SUFU: variants seen among roughly 807,000 people sequenced by gnomAD.
SUFU encodes SUFU negative regulator of hedgehog signaling, also known as suppressor of fused homolog.
A neutral mutation model predicts 58.9 loss-of-function variants in SUFU; 7 were observed. The ratio of observed to expected loss-of-function variants is 0.12; its 90% confidence interval spans 0.07 to 0.22. The LOEUF (loss-of-function observed/expected upper bound fraction) is 0.22, where lower values mean the gene tolerates loss of function less well. SUFU is among the 10% of genes least tolerant of loss of function. The pLI, the probability that SUFU is intolerant of heterozygous loss-of-function variation, is 1.00. For synonymous variants in SUFU, 232 were observed against 254.8 expected (o/e 0.91, Z 0.85); for missense variants, 451 against 641.3 (o/e 0.70, Z 3.20).
chr10:102,600,489 G>A (rs1392124773), intron 8 of SUFU, among the ~76,000 whole-genome samples: 1 of 152,160 alleles, frequency 6.6e-6, no homozygotes, highest in Non-Finnish European at 1.5e-5. Context: ...TGTGCATCTG[G>A]CTGTCGATGT....
intron 8 of SUFU, among the ~76,000 whole-genome samples, chr10:102,610,293 T>C (rs1454125316): frequency 1.3e-5 from 2 of 148,496 alleles, no homozygotes; most frequent in Admixed American, 1.4e-4. Context: ...CTCGGTAGGC[T>C]GAGGCAGGAG....
intron 3 of SUFU, among the ~76,000 whole-genome samples, chr10:102,577,686 T>G (rs1464534848): frequency 1.5e-4 from 22 of 150,188 alleles, no homozygotes; most frequent in Admixed American, 1.1e-3. Flanking sequence ...CGAGTTGTTT[T>G]TTTTTTTTTT....
intron 1 of SUFU, among the ~76,000 whole-genome samples, chr10:102,508,270 G>A (rs1342831712): frequency 1.3e-5 from 2 of 152,002 alleles, no homozygotes; most frequent in East Asian, 1.9e-4. Context: ...CACCGTGCCC[G>A]GCCAAAACAG....
rs901522651 is a variant in SUFU at position 102,597,611 on chromosome 10, G to A, written c.910+318G>A. Reference sequence around the variant, plus strand: ...AGAACAGTTACAGGAAAAGTCCATAGTCCACCCAAGTGCAAGAGAAAAGTG... The same window carrying A: ...AGAACAGTTACAGGAAAAGTCCATAATCCACCCAAGTGCAAGAGAAAAGTG... On this transcript the variant is annotated intron_variant, in intron 7 of 11. Coordinates refer to ENST00000369902, the MANE Select transcript of SUFU (RefSeq NM_016169.4). Among the ~76,000 whole-genome samples, 3 of 152,240 alleles carry A rather than the reference G, an allele frequency of 2.0e-5. 1 individual carries two copies. The highest frequency in any genetic ancestry group is 4.4e-5 in the Non-Finnish European group (3 of 68,042).
chr10:102,568,921 CACATATAT>C (rs1474375195), intron 3 of SUFU, among the ~76,000 whole-genome samples: 1 of 9,538 alleles, frequency 1.0e-4, no homozygotes, highest in African/African-American at 3.7e-4. Context: ...TATATATATA[CACATATAT>C]ATATATATAT....
At chr10:102,621,025 G>A (rs375547348) in intron 10 of SUFU, among the ~76,000 whole-genome samples, 3 of 152,222 alleles carry the variant, frequency 2.0e-5, no homozygotes, top group East Asian at 1.9e-4. Context: ...AGCCCCAGGC[G>A]TGGGAGAAGA....
chr10:102,568,093 A>G (rs115472902), intron 3 of SUFU, among the ~76,000 whole-genome samples: 3,075 of 133,732 alleles, frequency 0.023, 95 homozygotes, highest in African/African-American at 0.078. Context: ...CCAAACAAAT[A>G]TAACATTATT....
At chr10:102,626,693 G>A (rs1403168378) in intron 10 of SUFU, among the ~76,000 whole-genome samples, 1 of 152,144 alleles carries the variant, frequency 6.6e-6, no homozygotes, top group Admixed American at 6.5e-5. Flanking sequence ...ACCTTCCAGG[G>A]CACTTCCAGA....
chr10:102,556,757 G>GAGGGAGGAAGGA (rs59831410), intron 3 of SUFU, among the ~76,000 whole-genome samples: 59,437 of 137,892 alleles, frequency 0.43, 13,489 homozygotes, highest in East Asian at 0.65. Flanking sequence ...AAAAGGAAGG[G>GAGGGAGGAAGGA]AGGGAGGAAG....
chr10:102,568,916 A>G, intron 3 of SUFU, among the ~76,000 whole-genome samples: 2 of 10,152 alleles, frequency 2.0e-4, no homozygotes, highest in African/African-American at 9.0e-4. Context: ...ATATATATAT[A>G]TATACACATA....
intron 3 of SUFU, among the ~76,000 whole-genome samples, chr10:102,583,468 C>A (rs773967213): frequency 3.3e-5 from 5 of 152,216 alleles, no homozygotes; most frequent in Non-Finnish European, 7.3e-5. Flanking sequence ...CTTTTCTTGC[C>A]TTAGAGTCTC....
intron 4 of SUFU, among the ~76,000 whole-genome samples, chr10:102,593,034 A>C (rs1367859843): frequency 6.6e-6 from 1 of 152,206 alleles, no homozygotes; most frequent in Admixed American, 6.5e-5. Flanking sequence ...TCCAGCGGGA[A>C]GCCAGCTCTG....
chr10:102,622,116 C>T (rs951862957), intron 10 of SUFU, among the ~76,000 whole-genome samples: 1 of 152,326 alleles, frequency 6.6e-6, no homozygotes, highest in South Asian at 2.1e-4. Flanking sequence ...CCAAGCCCCC[C>T]TCCCTGGCCA....
intron 3 of SUFU, among the ~76,000 whole-genome samples, chr10:102,581,855 G>A (rs750862834): frequency 5.1e-4 from 78 of 152,178 alleles, no homozygotes; most frequent in Non-Finnish European, 9.0e-4. Flanking sequence ...AGAAATGCAA[G>A]AGGAGTGGAG....
At chr10:102,580,298 G>A (rs7909136) in intron 3 of SUFU, among the ~76,000 whole-genome samples, 6,845 of 152,206 alleles carry the variant, frequency 0.045, 503 homozygotes, top group African/African-American at 0.16. Context: ...CCTTGCAGGA[G>A]GTCCACTGTT....
intron 3 of SUFU, among the ~76,000 whole-genome samples, chr10:102,551,222 A>G (rs2062911551): frequency 6.6e-6 from 1 of 152,334 alleles, no homozygotes. Flanking sequence ...CATGGAGGCT[A>G]CAATGGGTCT....
intron 8 of SUFU, among the ~76,000 whole-genome samples, chr10:102,608,525 G>T (rs1374917137): frequency 6.6e-6 from 1 of 152,202 alleles, no homozygotes; most frequent in Non-Finnish European, 1.5e-5. Context: ...GAGCCATGGA[G>T]AATCATCTGA....
At chr10:102,518,094 A>G (rs1302113431) in intron 2 of SUFU, among the ~76,000 whole-genome samples, 7 of 152,192 alleles carry the variant, frequency 4.6e-5, no homozygotes, top group Admixed American at 4.6e-4. Context: ...GTTCCAAGAA[A>G]CTTTAAACAT....
At chr10:102,608,550 G>A (rs1436790056) in intron 8 of SUFU, among the ~76,000 whole-genome samples, 1 of 152,168 alleles carries the variant, frequency 6.6e-6, no homozygotes, top group Non-Finnish European at 1.5e-5. Flanking sequence ...CCCCTGAAAA[G>A]TGTCTGTCTC....
Sources: allele counts gnomAD v4.1 joint callset (sites outside exome capture counted in the v4.1 genomes callset), GRCh38; gene constraint gnomAD v4.1.1; transcripts MANE v1.5; gene names NCBI Gene and HGNC (gene_info 2026-07-23, HGNC 2026-07-21).